RHPN2: variants seen among roughly 807,000 people sequenced by gnomAD.
RHPN2 encodes the protein rhophilin-2.
In RHPN2, 40 loss-of-function variants were observed where a neutral mutation model predicts 79.0. The observed-to-expected ratio is 0.51, with a 90% CI of 0.39 to 0.66. The LOEUF is 0.66. Ranked by LOEUF, RHPN2 falls within the 30% of genes least tolerant of loss-of-function variation. The probability of loss-of-function intolerance (pLI) is 0.00; values close to 1 mark genes in which losing one functional copy is unlikely to be tolerated. For synonymous variants in RHPN2, 285 were observed against 363.5 expected, an observed-to-expected ratio of 0.78 and a Z score of 2.46; for missense variants, 686 against 883.5, an observed-to-expected ratio of 0.78 and a Z score of 2.83.
intron 1 of RHPN2, among the ~76,000 whole-genome samples, chr19:33,060,596 G>C (rs778344023): frequency 1.3e-5 from 2 of 151,980 alleles, no homozygotes; most frequent in Non-Finnish European, 2.9e-5. Context: ...GCAGTGACAT[G>C]ATAACAGCTC....
At position 33,007,391 on chromosome 19, in the gene RHPN2, G is replaced by A. The variant is rs185369200; in HGVS notation, c.760+623C>T. Among the ~76,000 whole-genome samples the A allele has an allele frequency of 2.6e-5, 4 of 152,130 alleles. No individual in the cohort carries two copies. The East Asian group carries it at 7.7e-4, about 29-fold the overall frequency. The stretch of plus-strand genomic sequence containing the variant: ...AATCCCAGCTACTCAGGAGGCTGAG[G>A]CAGGAGAATTGCTTGAAACCAGGAG... On this transcript the variant is annotated intron_variant, in intron 7 of 14. Transcript: ENST00000254260.
At chr19:33,043,546 T>C (rs1972117959) in intron 2 of RHPN2, among the ~76,000 whole-genome samples, 1 of 152,076 alleles carries the variant, frequency 6.6e-6, no homozygotes, top group South Asian at 2.1e-4. Context: ...AGCAAGACTG[T>C]CTCCAAACAA....
intron 2 of RHPN2, among the ~76,000 whole-genome samples, chr19:33,043,316 G>A (rs1972115743): frequency 6.6e-6 from 1 of 152,078 alleles, no homozygotes; most frequent in Non-Finnish European, 1.5e-5. Context: ...TTTGCGAGGT[G>A]GAGGCAGACG....
intron 1 of RHPN2, among the ~76,000 whole-genome samples, chr19:33,060,721 T>C (rs1226473746): frequency 6.6e-6 from 1 of 152,134 alleles, no homozygotes; most frequent in Non-Finnish European, 1.5e-5. Flanking sequence ...CTTATAGAGA[T>C]GGGGTCTTGC....
intron 14 of RHPN2, among the ~76,000 whole-genome samples, chr19:32,984,836 A>G (rs1480359877): frequency 2.6e-5 from 4 of 152,130 alleles, no homozygotes; most frequent in South Asian, 4.1e-4. Flanking sequence ...GGCCTGGTGC[A>G]GTGGCTCATT....
At chr19:33,050,212 C>G (rs1382639659) in intron 1 of RHPN2, among the ~76,000 whole-genome samples, 1 of 152,134 alleles carries the variant, frequency 6.6e-6, no homozygotes, top group Non-Finnish European at 1.5e-5. Flanking sequence ...AGCCACCTTA[C>G]CACCAGCAGA....
At chr19:33,005,524 GCTAA>G (rs1285589900) in intron 7 of RHPN2, among the ~76,000 whole-genome samples, 1 of 146,624 alleles carries the variant, frequency 6.8e-6, no homozygotes, top group Non-Finnish European at 1.5e-5. Flanking sequence ...TGTCCAAAGC[GCTAA>G]CTGACAATCA....
chr19:33,000,617 C>T (rs1439650452), intron 9 of RHPN2, among the ~76,000 whole-genome samples: 3 of 152,094 alleles, frequency 2.0e-5, no homozygotes, highest in Non-Finnish European at 4.4e-5. Flanking sequence ...CGGCCTGCAC[C>T]CCTCTGCGGG....
intron 14 of RHPN2, among the ~76,000 whole-genome samples, chr19:32,983,347 C>G (rs1257981887): frequency 1.3e-5 from 2 of 151,948 alleles, no homozygotes; most frequent in East Asian, 3.9e-4. Flanking sequence ...CCTGTCTCTA[C>G]TAAAAATACA....
intron 9 of RHPN2, among the ~76,000 whole-genome samples, chr19:33,001,656 G>C (rs1216152137): frequency 2.2e-4 from 34 of 151,790 alleles, no homozygotes; most frequent in Non-Finnish European, 2.9e-5. Context: ...ACCCAGGCTG[G>C]AGTGCAGTGG....
At chr19:33,024,675 CT>C (rs145403118) in intron 3 of RHPN2, among the ~76,000 whole-genome samples, 22,487 of 152,160 alleles carry the variant, frequency 0.15, 2,313 homozygotes, top group South Asian at 0.31. Context: ...GGCCCACCTA[CT>C]TTTTGAGAAG....
intron 2 of RHPN2, among the ~76,000 whole-genome samples, chr19:33,036,987 GC>G (rs1972063860): frequency 6.6e-6 from 1 of 152,234 alleles, no homozygotes; most frequent in Admixed American, 6.5e-5. Flanking sequence ...ACGAGTGCGG[GC>G]GCAGGGCGCC....
chr19:33,023,999 G>A (rs1971946769), intron 3 of RHPN2, among the ~76,000 whole-genome samples: 1 of 152,072 alleles, frequency 6.6e-6, no homozygotes, highest in South Asian at 2.1e-4. Context: ...ATGCGAGTGT[G>A]GAACAGCCGA....
At chr19:32,994,404 A>G (rs1971685155) in intron 11 of RHPN2, among the ~76,000 whole-genome samples, 1 of 151,514 alleles carries the variant, frequency 6.6e-6, no homozygotes, top group African/African-American at 2.4e-5. Context: ...GGGAAAAAAA[A>G]AGTGATCCTT....
At chr19:32,990,741 A>G in intron 13 of RHPN2, 72 bp from the exon 14 acceptor site, 1 of 1,585,330 alleles carries the variant, frequency 6.3e-7, no homozygotes, top group Non-Finnish European at 8.7e-7. Flanking sequence ...CCATTAACAA[A>G]ATAGGTATTT....
intron 6 of RHPN2, among the ~76,000 whole-genome samples, chr19:33,009,984 G>A (rs1009630241): frequency 7.2e-5 from 11 of 151,800 alleles, no homozygotes; most frequent in African/African-American, 2.4e-4. Flanking sequence ...TCGCCGTGTT[G>A]GTCAGGATGG....
At chr19:33,020,043 C>T (rs4805844) in intron 4 of RHPN2, among the ~76,000 whole-genome samples, 5,440 of 152,146 alleles carry the variant, frequency 0.036, 550 homozygotes, top group East Asian at 0.31. Context: ...CTGTGTTCTC[C>T]ACTGAAGCAC....
chr19:32,995,849 A>T (rs1971695929), intron 11 of RHPN2, among the ~76,000 whole-genome samples, 177 bp downstream of exon 11: 1 of 152,064 alleles, frequency 6.6e-6, no homozygotes, highest in African/African-American at 2.4e-5. Context: ...ACAGAGCGAG[A>T]CTCCATCTCA....
chr19:32,996,270 G>C (rs9749275), intron 10 of RHPN2, 50 bp from the exon 11 acceptor site: 2 of 1,603,628 alleles, frequency 1.2e-6, no homozygotes, highest in African/African-American at 2.7e-5. Flanking sequence ...ACCAAGCAGA[G>C]CATAAAGGCC....
Sources: allele counts gnomAD v4.1 joint callset (sites outside exome capture counted in the v4.1 genomes callset), GRCh38; gene constraint gnomAD v4.1.1; transcripts MANE v1.5; gene names NCBI Gene and HGNC (gene_info 2026-07-23, HGNC 2026-07-21).